FJX1: variants seen among roughly 807,000 people sequenced by gnomAD.
The protein encoded by FJX1 is four-jointed box kinase 1.
Under a neutral mutation model 28.7 loss-of-function variants are expected in FJX1, and 21 were observed. The observed-to-expected ratio is 0.73, with a 90% confidence interval of 0.52 to 1.05. The LOEUF (loss-of-function observed/expected upper bound fraction) is 1.05. Among genes scored for constraint, FJX1 ranks in the 50% least tolerant of loss-of-function variants. The probability of loss-of-function intolerance (pLI) is 0.00; values close to 1 mark genes in which losing one functional copy is unlikely to be tolerated. For synonymous variants in FJX1, 363 were observed against 310.0 expected (o/e 1.17, Z -1.80); for missense variants, 683 against 647.2 (o/e 1.06, Z -0.60).
rs752157179 is a variant in FJX1 at position 35,618,801 on chromosome 11, C to A, written c.165C>A (p.Gly55=). The A allele has an allele frequency of 2.9e-4, 366 of 1,254,422 alleles. 1 individual carries two copies. The African/African-American group carries it at 5.4e-3, about 18-fold the overall frequency. 77.7% of individuals were successfully genotyped at this position (1,254,422 alleles called of 1,614,324 possible). A position where few individuals can be genotyped will look rare whatever the true frequency, so the allele number is the denominator to read the frequency against. The part of the protein sequence containing the change: ...RLPRRPARSG[G]PAPAPRFPLP... ...CACGGCGCCCGGCCCGGAGCGGCGG[C>A]CCCGCGCCCGCGCCTCGCTTCCCTC... The change falls in exon 1 of 1, where the codon GGC becomes GGA. Residue 55 remains glycine, a synonymous_variant. Transcript: ENST00000317811. The surrounding 1 kb of genome is among the most constrained non-coding windows in gnomAD (Gnocchi z 4.2).
rs768966541 is a variant in FJX1 at position 35,619,785 on chromosome 11, C to A, written c.1149C>A (p.Asp383Glu). The A allele has an allele frequency of 6.5e-7, 1 of 1,550,068 alleles. No homozygotes were observed. The change falls in exon 1 of 1, where the codon GAC (aspartate) becomes GAA (glutamate). Residue 383 changes from aspartate (D) to glutamate (E), a missense_variant. By Grantham distance (45) the Asp-to-Glu change is conservative. Coordinates refer to ENST00000317811, the MANE Select transcript of FJX1 (RefSeq NM_014344.4). This position sits in a 1 kb window ranked among gnomAD's most constrained non-coding sequence, Gnocchi z 7.6. ...TCCTGGAGCTGCACCGCGGACAGGA[C>A]GCCGCGGCCCGGCTGCTGCGCCTCT... ...RRVLELHRGQ[D>E]AAARLLRLYR...
At position 35,619,848 on chromosome 11, in the gene FJX1, C is replaced by T. The variant is rs1850879361; in HGVS notation, c.1212C>T (p.Ala404=). ...RHEPRFPELA[A]LADPHAQLLQ... is the part of the protein sequence containing the mutation. ...AGCCTCGCTTCCCCGAGCTGGCCGC[C>T]CTTGCAGACCCCCACGCTCAGCTGC... The change falls in exon 1 of 1, where the codon GCC becomes GCT. Residue 404 remains alanine (A), a synonymous_variant. Coordinates refer to ENST00000317811, the MANE Select transcript of FJX1 (RefSeq NM_014344.4). This position sits in a 1 kb window ranked among gnomAD's most constrained non-coding sequence, Gnocchi z 7.6. The T allele has an allele frequency of 1.9e-6, 3 of 1,555,804 alleles. No individual in the cohort carries two copies. Among genetic ancestry groups the T allele is most frequent in the South Asian group, 2.4e-5 (2 of 84,322 alleles).
chr11:35,619,034 C>A lies in FJX1; in HGVS notation c.398C>A (p.Pro133His). Residue 133 changes from proline (P) to histidine (H), a missense_variant, in exon 1 of 1, where the codon CCC becomes CAC. Transcript: ENST00000317811. This position sits in a 1 kb window ranked among gnomAD's most constrained non-coding sequence, Gnocchi z 7.6. ...AGCCGCGGCCTGGAGGAGCAGGTGCCCCCGGGCTTTTCGGAGGCCCAGGCG... is the reference window on the plus strand; with the variant it reads ...AGCCGCGGCCTGGAGGAGCAGGTGCACCCGGGCTTTTCGGAGGCCCAGGCG... Reference protein sequence around the residue: ...FWSRGLEEQVPPGFSEAQAAA... With the variant: ...FWSRGLEEQVHPGFSEAQAAA... 6.8e-7 allele frequency: 1 copy of A among 1,467,568 alleles called. No homozygotes were observed. The allele number at this position is 1,467,568 out of a possible 1,614,324, so 90.9% of individuals were successfully genotyped here.
Position 35,618,727 on chromosome 11 carries a change from C to T in FJX1, c.91C>T (p.Pro31Ser). Residue 31 changes from proline to serine, a missense_variant, in exon 1 of 1, where the codon CCG becomes TCG. By Grantham distance (74) the Pro-to-Ser change is moderately conservative (BLOSUM62 -1). Transcript: ENST00000317811. The surrounding 1 kb of genome is among the most constrained non-coding windows in gnomAD (Gnocchi z 4.2). ...GCTGGCGCTGTGGGGAGGGCTCCTG[C>T]CGCCGCGGACCGAGCTGCCCGCCTC... ...SLLALWGGLL[P>S]PRTELPASRP... 1 of 1,249,676 alleles carries T rather than the reference C, an allele frequency of 8.0e-7. No individual in the cohort carries two copies. The highest frequency in any genetic ancestry group is 1.0e-6 in the Non-Finnish European group (1 of 982,152). The allele number at this position is 1,249,676 out of a possible 1,614,324, so 77.4% of individuals were successfully genotyped here. A position where few individuals can be genotyped will look rare whatever the true frequency, so the allele number is the denominator to read the frequency against.
rs1207261390 is a variant in FJX1, at chr11:35,619,229, C to A, written c.593C>A (p.Ala198Glu). The change falls in exon 1 of 1, where the codon GCG becomes GAG. Residue 198 changes from alanine (A) to glutamate (E), a missense_variant. Ala to Glu is a moderately radical substitution (Grantham distance 107). Transcript: ENST00000317811. This position sits in a 1 kb window ranked among gnomAD's most constrained non-coding sequence, Gnocchi z 7.6. ...IQGEALSYYL[A>E]RLLGLQRHVP... ...GGCGAGGCCCTGTCTTACTATCTGG[C>A]GCGCCTGCTGGGCCTCCAGCGCCAC... The A allele has an allele frequency of 5.0e-6, 8 of 1,584,552 alleles. No homozygotes were observed. Among genetic ancestry groups the A allele is most frequent in the Non-Finnish European group, 6.8e-6 (8 of 1,174,264 alleles).
In FJX1 at chr11:35,619,038, G is replaced by T; in HGVS notation, c.402G>T (p.Pro134=). Residue 134 remains proline, a synonymous_variant, in exon 1 of 1, where the codon CCG becomes CCT. Transcript: ENST00000317811. The surrounding 1 kb of genome is among the most constrained non-coding windows in gnomAD (Gnocchi z 7.6). ...WSRGLEEQVP[P]GFSEAQAAAW... ...GCGGCCTGGAGGAGCAGGTGCCCCC[G>T]GGCTTTTCGGAGGCCCAGGCGGCGG... 6.8e-7 allele frequency: 1 copy of T among 1,466,860 alleles called. No homozygotes were observed. Among genetic ancestry groups the T allele is most frequent in the Non-Finnish European group, 8.9e-7 (1 of 1,121,528 alleles). The allele number at this position is 1,466,860 out of a possible 1,614,324, so 90.9% of individuals were successfully genotyped here. A position where few individuals can be genotyped will look rare whatever the true frequency, so the allele number is the denominator to read the frequency against.
chr11:35,619,893 C>T lies in FJX1; in HGVS notation c.1257C>T (p.Phe419=). ...HAQLLQRRLD[F]LAKHILHCKA... ...AGCTGCTACAGCGCCGCCTCGACTT[C>T]CTCGCCAAGCACATTTTGCACTGTA... is the stretch of plus-strand genomic sequence containing the variant. The change falls in exon 1 of 1, where the codon TTC becomes TTT. Residue 419 remains phenylalanine, a synonymous_variant. Transcript: ENST00000317811. The surrounding 1 kb of genome is among the most constrained non-coding windows in gnomAD (Gnocchi z 7.6). 2.5e-6 allele frequency: 4 copies of T among 1,578,324 alleles called. No homozygotes were observed. Among genetic ancestry groups the T allele is most frequent in the Non-Finnish European group, 3.4e-6 (4 of 1,163,100 alleles).
Position 35,619,507 on chromosome 11 carries a change from G to T in FJX1, c.871G>T (p.Asp291Tyr), listed in dbSNP as rs1326643954. 6.3e-7 allele frequency: 1 copy of T among 1,599,678 alleles called. No homozygotes were observed. Among genetic ancestry groups the T allele is most frequent in the Non-Finnish European group, 8.5e-7 (1 of 1,179,744 alleles). Residue 291 changes from aspartate (D) to tyrosine (Y), a missense_variant, in exon 1 of 1, where the codon GAC becomes TAC. Coordinates refer to ENST00000317811, the MANE Select transcript of FJX1 (RefSeq NM_014344.4). This position sits in a 1 kb window ranked among gnomAD's most constrained non-coding sequence, Gnocchi z 7.6. ...AELVDLVQWTDLILFDYLTAN... is the reference protein window; with the variant it reads ...AELVDLVQWTYLILFDYLTAN... ...GCTGGTGGACCTAGTACAATGGACC[G>T]ACTTAATCCTTTTCGACTACCTGAC...
chr11:35,618,596 G>C lies in FJX1; in HGVS notation c.-41G>C, dbSNP rs1188342333. The C allele has an allele frequency of 1.8e-5, 20 of 1,115,768 alleles. No homozygotes were observed. The highest frequency in any genetic ancestry group is 5.0e-5 in the Admixed American group (1 of 20,130). The allele number at this position is 1,115,768 out of a possible 1,614,324, so 69.1% of individuals were successfully genotyped here. A position where few individuals can be genotyped will look rare whatever the true frequency, so the allele number is the denominator to read the frequency against. Reference sequence around the variant, plus strand: ...CGCCGGGACCCGGGTGCCTGGGCTCGGCTTGAAGCGGCGGCGGCGCACCGG... The same window carrying C: ...CGCCGGGACCCGGGTGCCTGGGCTCCGCTTGAAGCGGCGGCGGCGCACCGG... On this transcript the variant is annotated 5_prime_UTR_variant, in exon 1 of 1. Transcript: ENST00000317811. The surrounding 1 kb of genome is among the most constrained non-coding windows in gnomAD (Gnocchi z 4.2).
rs748206142 is a variant in FJX1, at chr11:35,618,994, G to A, written c.358G>A (p.Gly120Arg). Residue 120 changes from glycine (G) to arginine (R), a missense_variant, in exon 1 of 1, where the codon GGG (glycine) becomes AGG (arginine). Coordinates refer to ENST00000317811, the MANE Select transcript of FJX1 (RefSeq NM_014344.4). This position sits in a 1 kb window ranked among gnomAD's most constrained non-coding sequence, Gnocchi z 4.2. The part of the protein sequence containing the change: ...PRPEESAAVH[G>R]GVFWSRGLEE... Reference sequence around the variant, plus strand: ...GCCGGAGGAGAGCGCCGCGGTGCACGGGGGCGTCTTCTGGAGCCGCGGCCT... The same window carrying A: ...GCCGGAGGAGAGCGCCGCGGTGCACAGGGGCGTCTTCTGGAGCCGCGGCCT... 8 of 1,475,390 alleles carry A rather than the reference G, an allele frequency of 5.4e-6. No individual in the cohort carries two copies. Among genetic ancestry groups the A allele is most frequent in the Non-Finnish European group, 7.1e-6 (8 of 1,123,708 alleles). The allele number at this position is 1,475,390 out of a possible 1,614,324, so 91.4% of individuals were successfully genotyped here. A position where few individuals can be genotyped will look rare whatever the true frequency, so the allele number is the denominator to read the frequency against.
chr11:35,619,183 A>G lies in FJX1; in HGVS notation c.547A>G (p.Ile183Val), dbSNP rs746204049. ...DGTRACVRYG[I>V]NPEQIQGEAL... The stretch of plus-strand genomic sequence containing the variant: ...CACCCGCGCCTGCGTGCGCTACGGC[A>G]TCAACCCGGAGCAGATTCAGGGCGA... The change falls in exon 1 of 1, where the codon ATC becomes GTC. Residue 183 changes from isoleucine (I) to valine (V), a missense_variant. Transcript: ENST00000317811. This position sits in a 1 kb window ranked among gnomAD's most constrained non-coding sequence, Gnocchi z 7.6. 5 of 1,582,280 alleles carry G rather than the reference A, an allele frequency of 3.2e-6. No homozygotes were observed. Among genetic ancestry groups the G allele is most frequent in the Middle Eastern group, 3.3e-4 (2 of 5,996 alleles).
Position 35,619,256 on chromosome 11 carries a change from T to A in FJX1, c.620T>A (p.Val207Glu). 6.4e-7 allele frequency: 1 copy of A among 1,568,590 alleles called. No homozygotes were observed. The change falls in exon 1 of 1, where the codon GTG becomes GAG. Residue 207 changes from valine (V) to glutamate (E), a missense_variant. Coordinates refer to ENST00000317811, the MANE Select transcript of FJX1 (RefSeq NM_014344.4). This position sits in a 1 kb window ranked among gnomAD's most constrained non-coding sequence, Gnocchi z 7.6. Reference sequence around the variant, plus strand: ...CGCCTGCTGGGCCTCCAGCGCCACGTGCCGCCGCTGGCACTGGCTCGGGTG... The same window carrying A: ...CGCCTGCTGGGCCTCCAGCGCCACGAGCCGCCGCTGGCACTGGCTCGGGTG... ...LARLLGLQRHVPPLALARVEA... is the reference protein window; with the variant it reads ...LARLLGLQRHEPPLALARVEA...
In FJX1 at chr11:35,619,034, C is replaced by G. The variant is rs980022313; in HGVS notation, c.398C>G (p.Pro133Arg). 1 of 1,467,568 alleles carries G rather than the reference C, an allele frequency of 6.8e-7. No individual in the cohort carries two copies. Among genetic ancestry groups the G allele is most frequent in the Admixed American group, 2.6e-5 (1 of 38,282 alleles). The allele number at this position is 1,467,568 out of a possible 1,614,324, so 90.9% of individuals were successfully genotyped here. A position where few individuals can be genotyped will look rare whatever the true frequency, so the allele number is the denominator to read the frequency against. Residue 133 changes from proline to arginine, a missense_variant, in exon 1 of 1, where the codon CCC (proline) becomes CGC (arginine). Coordinates refer to ENST00000317811, the MANE Select transcript of FJX1 (RefSeq NM_014344.4). The surrounding 1 kb of genome is among the most constrained non-coding windows in gnomAD (Gnocchi z 7.6). ...AGCCGCGGCCTGGAGGAGCAGGTGC[C>G]CCCGGGCTTTTCGGAGGCCCAGGCG... ...FWSRGLEEQV[P>R]PGFSEAQAAA...
chr11:35,618,553 C>CT lies in FJX1; in HGVS notation c.-83dup. On this transcript the variant is annotated 5_prime_UTR_variant, in exon 1 of 1. The change abolishes the stop of an existing upstream ORF in the 5' untranslated region. Coordinates refer to ENST00000317811, the MANE Select transcript of FJX1 (RefSeq NM_014344.4). This position sits in a 1 kb window ranked among gnomAD's most constrained non-coding sequence, Gnocchi z 4.2. The stretch of plus-strand genomic sequence containing the variant: ...CGCCCGAAGCCCCGGAGCCCACAAA[C>CT]TGCCGGGCCCGCCTCGCCGCCGGGA... 1 of 1,071,112 alleles carries CT rather than the reference C, an allele frequency of 9.3e-7. No individual in the cohort carries two copies. Among genetic ancestry groups the CT allele is most frequent in the Non-Finnish European group, 1.1e-6 (1 of 886,682 alleles). 66.4% of individuals were successfully genotyped at this position (1,071,112 alleles called of 1,614,324 possible). A position where few individuals can be genotyped will look rare whatever the true frequency, so the allele number is the denominator to read the frequency against.
In FJX1 at chr11:35,619,002, C is replaced by A; in HGVS notation, c.366C>A (p.Val122=). The change falls in exon 1 of 1, where the codon GTC becomes GTA. Residue 122 remains valine, a synonymous_variant. Transcript: ENST00000317811. This position sits in a 1 kb window ranked among gnomAD's most constrained non-coding sequence, Gnocchi z 7.6. ...AGAGCGCCGCGGTGCACGGGGGCGTCTTCTGGAGCCGCGGCCTGGAGGAGC... is the reference window on the plus strand; with the variant it reads ...AGAGCGCCGCGGTGCACGGGGGCGTATTCTGGAGCCGCGGCCTGGAGGAGC... The part of the protein sequence containing the change: ...PEESAAVHGG[V]FWSRGLEEQV... The A allele has an allele frequency of 6.8e-7, 1 of 1,472,798 alleles. No individual in the cohort carries two copies. The highest frequency in any genetic ancestry group is 8.9e-7 in the Non-Finnish European group (1 of 1,123,104). The allele number at this position is 1,472,798 out of a possible 1,614,324, so 91.2% of individuals were successfully genotyped here.
chr11:35,620,342 C>T lies in FJX1; in HGVS notation c.*392C>T. 2 of 307,854 alleles carry T rather than the reference C, an allele frequency of 6.5e-6. No individual in the cohort carries two copies. Among genetic ancestry groups the T allele is most frequent in the South Asian group, 3.7e-5 (1 of 27,336 alleles). 19.1% of individuals were successfully genotyped at this position (307,854 alleles called of 1,614,324 possible). A position where few individuals can be genotyped will look rare whatever the true frequency, so the allele number is the denominator to read the frequency against. Reference sequence around the variant, plus strand: ...GAAAAAGGAAAACTTGCGTTTGAGCCGTTGAGCTAATTCTGCAATTTTCTA... The same window carrying T: ...GAAAAAGGAAAACTTGCGTTTGAGCTGTTGAGCTAATTCTGCAATTTTCTA... On this transcript the variant is annotated 3_prime_UTR_variant, in exon 1 of 1. Transcript: ENST00000317811.
In FJX1 at chr11:35,620,011, G is replaced by T. The variant is rs1850881267; in HGVS notation, c.*61G>T. ...GGGTATGGATGATGGGGGGAAGGGC[G>T]GTCGCCTCTGCCACTGTCAGGGACC... On this transcript the variant is annotated 3_prime_UTR_variant, in exon 1 of 1. Transcript: ENST00000317811. The T allele has an allele frequency of 2.6e-6, 4 of 1,546,362 alleles. No individual in the cohort carries two copies. The highest frequency in any genetic ancestry group is 2.2e-4 in the Middle Eastern group (1 of 4,582).
chr11:35,620,548 G>A lies in FJX1; in HGVS notation c.*598G>A, dbSNP rs1450946582. 1 of 171,118 alleles carries A rather than the reference G, an allele frequency of 5.8e-6. No individual in the cohort carries two copies. The highest frequency in any genetic ancestry group is 2.4e-5 in the African/African-American group (1 of 41,446). 10.6% of individuals were successfully genotyped at this position (171,118 alleles called of 1,614,324 possible). ...GACTCTGGGGAGCCCTGCAGACCTT[G>A]ACAATTTGCCTGACTCATTCCTGAC... On this transcript the variant is annotated 3_prime_UTR_variant, in exon 1 of 1. Coordinates refer to ENST00000317811, the MANE Select transcript of FJX1 (RefSeq NM_014344.4).
chr11:35,618,677 TCTGGCTGCTGGCGCTGGG>T lies in FJX1; in HGVS notation c.44_61del (p.Trp15_Gly20del). Reference sequence around the variant, plus strand: ...CGGGGCGCCGCCGCCACCGCGGGGCTCTGGCTGCTGGCGCTGGGCTCGCTGCTGGCGCTGTGGGGAGGG... The same window carrying T: ...CGGGGCGCCGCCGCCACCGCGGGGCTCTCGCTGCTGGCGCTGTGGGGAGGG... On this transcript the variant is annotated inframe_deletion, in exon 1 of 1. Transcript: ENST00000317811. This position sits in a 1 kb window ranked among gnomAD's most constrained non-coding sequence, Gnocchi z 4.2. The T allele has an allele frequency of 2.4e-6, 3 of 1,245,900 alleles. No individual in the cohort carries two copies. The highest frequency in any genetic ancestry group is 2.3e-5 in the South Asian group (1 of 44,228). The allele number at this position is 1,245,900 out of a possible 1,614,324, so 77.2% of individuals were successfully genotyped here.
Sources: allele counts gnomAD v4.1 joint callset, GRCh38; gene constraint gnomAD v4.1.1; non-coding constraint Gnocchi (gnomAD v3.1); transcripts MANE v1.5; gene names NCBI Gene and HGNC (gene_info 2026-07-23, HGNC 2026-07-21).